Variants in UNC13B observed in about 807,000 individuals in gnomAD.
UNC13B encodes the protein protein unc-13 homolog B.
A neutral mutation model predicts 211.0 loss-of-function variants in UNC13B; 144 were observed. The ratio of observed to expected loss-of-function variants is 0.68; its 90% CI spans 0.60 to 0.78. UNC13B has a LOEUF of 0.78. Among genes scored for constraint, UNC13B ranks in the 30% least tolerant of loss-of-function variants. The pLI, the probability that UNC13B is intolerant of heterozygous loss-of-function variation, is 0.00. For missense variants in UNC13B, 1,777 were observed against 2,002.0 expected (o/e 0.89, Z 2.14); for synonymous variants, 709 against 725.8 (o/e 0.98, Z 0.37).
chr9:35,323,089 T>C (rs1020032658), intron 11 of UNC13B, among the ~76,000 whole-genome samples: 18 of 151,058 alleles, frequency 1.2e-4, no homozygotes, highest in Non-Finnish European at 2.7e-4. Flanking sequence ...CCCCATCTTA[T>C]TATTTGTGTC....
intron 1 of UNC13B, among the ~76,000 whole-genome samples, chr9:35,199,753 T>G (rs560266897): frequency 7.9e-5 from 12 of 152,220 alleles, no homozygotes; most frequent in Non-Finnish European, 1.5e-4. Context: ...CTTTGTCAGA[T>G]GAGTAGATTG....
At chr9:35,199,274 G>A (rs1432913011) in intron 1 of UNC13B, among the ~76,000 whole-genome samples, 97 of 152,132 alleles carry the variant, frequency 6.4e-4, no homozygotes, top group Non-Finnish European at 5.9e-5. Flanking sequence ...GCAAGTCTTT[G>A]CTATTGTGAA....
At chr9:35,274,800 T>C (rs975445882) in intron 7 of UNC13B, among the ~76,000 whole-genome samples, 1 of 152,190 alleles carries the variant, frequency 6.6e-6, no homozygotes, top group Non-Finnish European at 1.5e-5. Context: ...GTGGGCTATT[T>C]AGTCCCTACA....
At chr9:35,189,982 T>C (rs1267483150) in intron 1 of UNC13B, among the ~76,000 whole-genome samples, 5 of 152,148 alleles carry the variant, frequency 3.3e-5, no homozygotes, top group Admixed American at 2.0e-4. Context: ...GCCAGTTTCT[T>C]AATTGGATTA....
chr9:35,317,711 ATT>A (rs1025370788), intron 11 of UNC13B, among the ~76,000 whole-genome samples: 7 of 121,686 alleles, frequency 5.8e-5, no homozygotes, highest in Non-Finnish European at 1.2e-4. Context: ...TTTTTTTTTA[ATT>A]TTTAGTAGAG....
intron 1 of UNC13B, among the ~76,000 whole-genome samples, chr9:35,169,018 C>T (rs1821197260): frequency 6.6e-6 from 1 of 152,082 alleles, no homozygotes; most frequent in African/African-American, 2.4e-5. Flanking sequence ...TGAATGGTAA[C>T]AGGACCAAGT....
Position 35,353,001 on chromosome 9 carries a change from T to C in UNC13B, c.9415-13946T>C, listed in dbSNP as rs1486208178. 3 of 1,232,060 alleles carry C rather than the reference T, an allele frequency of 2.4e-6. No individual in the cohort carries two copies. The African/African-American group carries it at 4.7e-5, about 19-fold the overall frequency. 76.3% of individuals were successfully genotyped at this position (1,232,060 alleles called of 1,614,324 possible). ...AGAATAAACGCAGAGGACAAGCTCC[T>C]GGGCTGCGAAGCTGGGCTCGATATT... is the stretch of plus-strand genomic sequence containing the variant. On this transcript the variant is annotated intron_variant, in intron 11 of 39. Transcript: ENST00000635942.
rs552634727 is a variant in UNC13B, at chr9:35,192,111, C to A, written c.22+29806C>A. Among the ~76,000 whole-genome samples, 4 of 152,302 alleles carry A rather than the reference C, an allele frequency of 2.6e-5. No homozygotes were observed. In the East Asian group the frequency reaches 7.7e-4, roughly 29 times the overall value. On this transcript the variant is annotated intron_variant, in intron 1 of 39. Coordinates refer to ENST00000635942, the MANE Select transcript of UNC13B (RefSeq NM_001371189.2). ...TGCCCACATGTCAGGCTTCTAGTTCCTTTTCCCCAGCTCAACTCTAAGCCA... is the reference window on the plus strand; with the variant it reads ...TGCCCACATGTCAGGCTTCTAGTTCATTTTCCCCAGCTCAACTCTAAGCCA...
chr9:35,386,191 A>G lies in UNC13B; in HGVS notation c.10992A>G (p.Arg3664=). 6.2e-7 allele frequency: 1 copy of G among 1,614,170 alleles called. No individual in the cohort carries two copies. The highest frequency in any genetic ancestry group is 8.5e-7 in the Non-Finnish European group (1 of 1,180,010). The change falls in exon 24 of 40, where the codon AGA becomes AGG. Residue 3664 remains arginine (R), a synonymous_variant. Coordinates refer to ENST00000635942, the MANE Select transcript of UNC13B (RefSeq NM_001371189.2). Reference sequence around the variant, plus strand: ...TACAAGAACTGCAAAGCCCTCCAAGAGCCAGCCAGGTGGTAAAGGATTGTG... The same window carrying G: ...TACAAGAACTGCAAAGCCCTCCAAGGGCCAGCCAGGTGGTAAAGGATTGTG... ...MKVQELQSPP[R]ASQVVKDCVK...
chr9:35,398,642 G>A lies in UNC13B; in HGVS notation c.11921G>A (p.Ser3974Asn), dbSNP rs1433919367. Residue 3974 changes from serine to asparagine, a missense_variant and splice_region_variant, in exon 32 of 40, where the codon AGT becomes AAT. By Grantham distance (46) the Ser-to-Asn change is conservative. Coordinates refer to ENST00000635942, the MANE Select transcript of UNC13B (RefSeq NM_001371189.2). Reference sequence around the variant, plus strand: ...GAGCTCAGCATGGTGTTTGGAAACAGGTCAGTGACCCCACAATACAAGGCC... The same window carrying A: ...GAGCTCAGCATGGTGTTTGGAAACAAGTCAGTGACCCCACAATACAAGGCC... ...LDELSMVFGN[S>N]FQVRIDECVR... The A allele has an allele frequency of 6.2e-7, 1 of 1,613,746 alleles. No homozygotes were observed. Among genetic ancestry groups the A allele is most frequent in the Non-Finnish European group, 8.5e-7 (1 of 1,180,008 alleles).
rs544309362 is a variant in UNC13B, at chr9:35,230,990, A to T, written c.53-130A>T. The T allele has an allele frequency of 2.5e-5, 15 of 603,196 alleles. 1 individual carries two copies. In the South Asian group the frequency reaches 3.5e-4, roughly 14 times the overall value. 37.4% of individuals were successfully genotyped at this position (603,196 alleles called of 1,614,324 possible). On this transcript the variant is annotated intron_variant, in intron 2 of 39. Transcript: ENST00000635942. ...TATGTCTTGAATGAGGCTATGTTGT[A>T]CAATATAGCTTAATTTTTTCCTGCA...
At chr9:35,341,334 C>T (rs1214532259) in intron 11 of UNC13B, among the ~76,000 whole-genome samples, 1 of 152,196 alleles carries the variant, frequency 6.6e-6, no homozygotes, top group African/African-American at 2.4e-5. Flanking sequence ...GAATAGATGT[C>T]TACTCCAAGA....
chr9:35,396,578 A>G lies in UNC13B; in HGVS notation c.11411A>G (p.Gln3804Arg), dbSNP rs767186732. The change falls in exon 27 of 40, where the codon CAG (glutamine) becomes CGG (arginine). Residue 3804 changes from glutamine to arginine, a missense_variant. Physicochemically the swap from Gln to Arg is conservative, Grantham distance 43. Transcript: ENST00000635942. ...TACGTGCGGGATCTGCCTGTCCTCC[A>G]GGGGCAGGTGCCTGAGTACCCAGCG... ...NEYVRDLPVL[Q>R]GQVPEYPAWF... is the part of the protein sequence containing the mutation. 1.9e-6 allele frequency: 3 copies of G among 1,614,020 alleles called. No individual in the cohort carries two copies. Among genetic ancestry groups the G allele is most frequent in the Non-Finnish European group, 2.5e-6 (3 of 1,180,010 alleles).
In UNC13B at chr9:35,295,946, A is replaced by G. The variant is rs756731948; in HGVS notation, c.761+16A>G. 4.2e-5 allele frequency: 66 copies of G among 1,579,370 alleles called. No individual in the cohort carries two copies. Among genetic ancestry groups the G allele is most frequent in the Non-Finnish European group, 5.5e-5 (64 of 1,161,124 alleles). On this transcript the variant is annotated intron_variant, in intron 8 of 39. Transcript: ENST00000635942. ...GGGCTATCAGGTGGGTATTGAGCAC[A>G]AAGTACTTTCTCTTCCTAATATCCA...
Position 35,377,584 on chromosome 9 carries a change from A to T in UNC13B, c.9952A>T (p.Ile3318Phe), listed in dbSNP as rs773116964. The stretch of plus-strand genomic sequence containing the variant: ...AAATAAGCCAGAGATCTTTGAAGTT[A>T]TCCGGGACGTCTTCACAGTGAACAA... The part of the protein sequence containing the change: ...ERNKPEIFEV[I>F]RDVFTVNKAA... Residue 3318 changes from isoleucine (I) to phenylalanine (F), a missense_variant, in exon 16 of 40, where the codon ATC becomes TTC. Ile to Phe is a conservative substitution (Grantham distance 21). Transcript: ENST00000635942. 2.2e-5 allele frequency: 35 copies of T among 1,614,136 alleles called. No individual in the cohort carries two copies. The highest frequency in any genetic ancestry group is 3.3e-5 in the Admixed American group (2 of 60,016).
rs576300330 is a variant in UNC13B, at chr9:35,271,905, T to C, written c.526+12855T>C. Among the ~76,000 whole-genome samples the C allele has an allele frequency of 1.0e-3, 153 of 152,336 alleles. 3 individuals carry two copies. Among genetic ancestry groups the C allele is most frequent in the Admixed American group, 9.9e-3 (151 of 15,302 alleles). On this transcript the variant is annotated intron_variant, in intron 7 of 39. Coordinates refer to ENST00000635942, the MANE Select transcript of UNC13B (RefSeq NM_001371189.2). Reference sequence around the variant, plus strand: ...CTAGGGTGTGTAAATTAGTACAACCTTTCTAACTCAGTGATTTTACTTCTA... The same window carrying C: ...CTAGGGTGTGTAAATTAGTACAACCCTTCTAACTCAGTGATTTTACTTCTA...
intron 1 of UNC13B, among the ~76,000 whole-genome samples, chr9:35,204,861 G>A (rs182906462): frequency 6.6e-6 from 1 of 152,274 alleles, no homozygotes; most frequent in African/African-American, 2.4e-5. Context: ...GGACTGTTGG[G>A]AAGGCATGAT....
intron 7 of UNC13B, among the ~76,000 whole-genome samples, chr9:35,264,064 T>C (rs903497614): frequency 1.3e-5 from 2 of 152,188 alleles, no homozygotes; most frequent in African/African-American, 4.8e-5. Context: ...AATTTGCAAG[T>C]AGCTTTGGAA....
intron 12 of UNC13B, among the ~76,000 whole-genome samples, chr9:35,370,078 C>T (rs1414272745): frequency 6.6e-6 from 1 of 152,232 alleles, no homozygotes; most frequent in Non-Finnish European, 1.5e-5. Flanking sequence ...AAAAGAGCCT[C>T]AGTTCTCAGC....
Sources: allele counts gnomAD v4.1 joint callset (sites outside exome capture counted in the v4.1 genomes callset), GRCh38; gene constraint gnomAD v4.1.1; transcripts MANE v1.5; gene names NCBI Gene and HGNC (gene_info 2026-07-23, HGNC 2026-07-21).